Variants in EBF2 observed in about 807,000 individuals in gnomAD.
EBF2 encodes transcription factor COE2.
A neutral mutation model predicts 72.8 loss-of-function variants in EBF2; 21 were observed. The observed-to-expected ratio is 0.29, with a 90% confidence interval of 0.20 to 0.42. The LOEUF is 0.42. EBF2 is among the 10% of genes least tolerant of loss of function. The pLI is 1.00. For missense variants in EBF2, 637 were observed against 731.2 expected (o/e 0.87, Z 1.49); for synonymous variants, 299 against 274.2 (o/e 1.09, Z -0.89).
intron 10 of EBF2, among the ~76,000 whole-genome samples, chr8:25,869,180 C>A (rs1802387374): frequency 6.6e-6 from 1 of 152,162 alleles, no homozygotes; most frequent in Non-Finnish European, 1.5e-5. Flanking sequence ...GAGTTAAATT[C>A]TGTCTGGGCC....
intron 7 of EBF2, among the ~76,000 whole-genome samples, chr8:25,896,013 C>A (rs1275176588): frequency 6.6e-6 from 1 of 151,946 alleles, no homozygotes; most frequent in Non-Finnish European, 1.5e-5. Context: ...TTACATAAGC[C>A]AAAGGAATGG....
At position 25,994,866 on chromosome 8, in the gene EBF2, C is replaced by A. The variant is rs369808033; in HGVS notation, c.551+38219G>T. Among the ~76,000 whole-genome samples the A allele has an allele frequency of 3.5e-4, 54 of 152,238 alleles. 1 individual carries two copies. In the East Asian group the frequency reaches 9.1e-3, roughly 26 times the overall value. ...ATGACAGAATAATTTATACACCAAA[C>A]CCCAGCAATATGCAATTTACCCATG... On this transcript the variant is annotated intron_variant, in intron 6 of 15. Transcript: ENST00000520164.
intron 10 of EBF2, among the ~76,000 whole-genome samples, chr8:25,874,862 T>TC (rs1312221281): frequency 4.1e-5 from 6 of 147,076 alleles, no homozygotes; most frequent in African/African-American, 1.3e-4. Flanking sequence ...ACTTTTTTTT[T>TC]TTTTTTTTTT....
intron 6 of EBF2, among the ~76,000 whole-genome samples, chr8:25,991,152 C>G (rs1804539377): frequency 6.6e-6 from 1 of 152,140 alleles, no homozygotes; most frequent in African/African-American, 2.4e-5. Context: ...GCAAACTCTT[C>G]TGCCATCATT....
chr8:25,872,601 C>T (rs748099491), intron 10 of EBF2, among the ~76,000 whole-genome samples: 1 of 152,176 alleles, frequency 6.6e-6, no homozygotes, highest in Non-Finnish European at 1.5e-5. Flanking sequence ...AGGATCACTA[C>T]AGTCCTAACT....
chr8:25,939,519 T>C (rs1254326614), intron 6 of EBF2, among the ~76,000 whole-genome samples: 20 of 152,142 alleles, frequency 1.3e-4, no homozygotes, highest in Non-Finnish European at 1.5e-5. Flanking sequence ...ATGAAAACAT[T>C]TGGCTAAACA....
At chr8:25,936,160 A>G (rs1803575358) in intron 6 of EBF2, among the ~76,000 whole-genome samples, 1 of 152,216 alleles carries the variant, frequency 6.6e-6, no homozygotes, top group Non-Finnish European at 1.5e-5. Flanking sequence ...TTTTAAAGCA[A>G]CAATCTGATC....
At chr8:25,961,939 C>T (rs1303517743) in intron 6 of EBF2, among the ~76,000 whole-genome samples, 2 of 152,156 alleles carry the variant, frequency 1.3e-5, no homozygotes, top group Non-Finnish European at 2.9e-5. Flanking sequence ...CCAAACTGTC[C>T]TTAAAAAATG....
chr8:26,009,531 T>C (rs886991529), intron 6 of EBF2, among the ~76,000 whole-genome samples: 1 of 152,242 alleles, frequency 6.6e-6, no homozygotes, highest in African/African-American at 2.4e-5. Context: ...TTTACTGAAA[T>C]GCAAACGCTG....
rs115051079 is a variant in EBF2, at chr8:26,025,820, T to C, written c.551+7265A>G. On this transcript the variant is annotated intron_variant, in intron 6 of 15. Transcript: ENST00000520164. The stretch of plus-strand genomic sequence containing the variant: ...TGATGCATTCACATTGGATAGATAA[T>C]CTGTGGTTTTTATTGAGAAAATCTA... Among the ~76,000 whole-genome samples, 923 of 152,122 alleles carry C rather than the reference T, an allele frequency of 6.1e-3. 14 individuals carry two copies. The highest frequency in any genetic ancestry group is 0.021 in the African/African-American group (883 of 41,502).
rs575475722 is a variant in EBF2, at chr8:25,920,999, T to G, written c.552-12444A>C. On this transcript the variant is annotated intron_variant, in intron 6 of 15. Transcript: ENST00000520164. ...ATGGTAATTACAGCTAGGCTCAATT[T>G]TATCTGAAAACTATGGTGGCTTGCC... Among the ~76,000 whole-genome samples, 5 of 152,264 alleles carry G rather than the reference T, an allele frequency of 3.3e-5. No individual in the cohort carries two copies. In the East Asian group the frequency reaches 7.7e-4, roughly 24 times the overall value.
chr8:25,902,884 G>A (rs1038983312), intron 7 of EBF2, among the ~76,000 whole-genome samples: 1 of 152,172 alleles, frequency 6.6e-6, no homozygotes, highest in African/African-American at 2.4e-5. Flanking sequence ...AAGCTTCCTA[G>A]ATGGAACAGA....
chr8:25,995,813 TATA>T (rs1804616355), intron 6 of EBF2, among the ~76,000 whole-genome samples: 2 of 151,930 alleles, frequency 1.3e-5, no homozygotes, highest in South Asian at 2.1e-4. Context: ...AAGCTAATTT[TATA>T]ATAATAAAAA....
chr8:25,938,329 G>A (rs1293650695), intron 6 of EBF2, among the ~76,000 whole-genome samples: 1 of 148,182 alleles, frequency 6.7e-6, no homozygotes, highest in Non-Finnish European at 1.5e-5. Flanking sequence ...CCTATTCTTA[G>A]TAAGAATGTT....
chr8:25,943,118 G>C (rs1194403448), intron 6 of EBF2, among the ~76,000 whole-genome samples: 1 of 151,996 alleles, frequency 6.6e-6, no homozygotes. Context: ...TTTCTCCTAT[G>C]GAACAAAATT....
rs563462943 is a variant in EBF2, at chr8:25,961,654, C to T, written c.552-53099G>A. On this transcript the variant is annotated intron_variant, in intron 6 of 15. Transcript: ENST00000520164. ...GGGATTACAGGTATGAACTACCGCGCCCAGCCCTAATGTGAGGTGTTAAGA... is the reference window on the plus strand; with the variant it reads ...GGGATTACAGGTATGAACTACCGCGTCCAGCCCTAATGTGAGGTGTTAAGA... Among the ~76,000 whole-genome samples, 103 of 152,288 alleles carry T rather than the reference C, an allele frequency of 6.8e-4. 1 individual carries two copies. Among genetic ancestry groups the T allele is most frequent in the African/African-American group, 2.4e-3 (99 of 41,564 alleles).
intron 10 of EBF2, among the ~76,000 whole-genome samples, chr8:25,885,295 T>C (rs910951812): frequency 1.3e-5 from 2 of 152,128 alleles, no homozygotes; most frequent in African/African-American, 4.8e-5. Flanking sequence ...TGCAGCTCAT[T>C]TGGGCTAAGT....
chr8:26,020,854 G>A (rs936538090), intron 6 of EBF2, among the ~76,000 whole-genome samples: 12 of 152,138 alleles, frequency 7.9e-5, no homozygotes, highest in Admixed American at 2.0e-4. Context: ...AAATGCATTA[G>A]CCACTCTACA....
rs1452559445 is a variant in EBF2 at position 26,013,082 on chromosome 8, G to T, written c.551+20003C>A. Among the ~76,000 whole-genome samples the T allele has an allele frequency of 2.0e-5, 3 of 152,184 alleles. No homozygotes were observed. The East Asian group carries it at 5.8e-4, about 29-fold the overall frequency. On this transcript the variant is annotated intron_variant, in intron 6 of 15. Coordinates refer to ENST00000520164, the MANE Select transcript of EBF2 (RefSeq NM_022659.4). Reference sequence around the variant, plus strand: ...AGTGTTAGGAAGAAAATTAAGTCTGGAAGGGGGTTAAGAAGTGCTGGTTTT... The same window carrying T: ...AGTGTTAGGAAGAAAATTAAGTCTGTAAGGGGGTTAAGAAGTGCTGGTTTT...
Sources: allele counts gnomAD v4.1 joint callset (sites outside exome capture counted in the v4.1 genomes callset), GRCh38; gene constraint gnomAD v4.1.1; transcripts MANE v1.5; gene names NCBI Gene and HGNC (gene_info 2026-07-23, HGNC 2026-07-21).